KAZN: variants seen among roughly 807,000 people sequenced by gnomAD.
KAZN encodes kazrin.
KAZN carries 40 observed loss-of-function variants against 87.4 expected under a neutral mutation model. That is an observed-to-expected ratio of 0.46 (90% CI 0.36 to 0.60). The LOEUF is 0.60. Ranked by LOEUF, KAZN falls within the 20% of genes least tolerant of loss-of-function variation. The pLI, the probability that KAZN is intolerant of heterozygous loss-of-function variation, is 0.00. For synonymous variants in KAZN, 466 were observed against 458.3 expected, an observed-to-expected ratio of 1.02 and a Z score of -0.22; for missense variants, 898 against 1,073.9, an observed-to-expected ratio of 0.84 and a Z score of 2.29.
At chr1:14,585,943 G>A (rs111834272) in intron 2 of KAZN, among the ~76,000 whole-genome samples, 2,872 of 152,268 alleles carry the variant, frequency 0.019, 71 homozygotes, top group African/African-American at 0.06. Flanking sequence ...ACGCCATCTC[G>A]AGGCAGCAGC....
intron 2 of KAZN, among the ~76,000 whole-genome samples, chr1:14,411,814 C>T (rs1664328421): frequency 6.6e-6 from 1 of 152,116 alleles, no homozygotes; most frequent in South Asian, 2.1e-4. Context: ...AAATACCAGA[C>T]AGTAATAACA....
At chr1:14,790,648 C>T (rs776132859) in intron 1 of KAZN, among the ~76,000 whole-genome samples, 1 of 152,120 alleles carries the variant, frequency 6.6e-6, no homozygotes, top group East Asian at 1.9e-4. Flanking sequence ...TTGTCCAATC[C>T]AAGTCCCGCC....
intron 1 of KAZN, among the ~76,000 whole-genome samples, chr1:14,640,213 A>G (rs1159129489): frequency 1.3e-5 from 2 of 148,646 alleles, no homozygotes; most frequent in Non-Finnish European, 3.0e-5. Flanking sequence ...TAATAAAATC[A>G]TGGCCTAATG....
rs911868370 is a variant in KAZN at position 14,551,116 on chromosome 1, C to T, written c.250-47867C>T. On this transcript the variant is annotated intron_variant, in intron 2 of 16. Coordinates refer to the KAZN transcript ENST00000636203. ...GTTACATATACTACAAATACGCAAA[C>T]GTGAGGCCCCATAGATCGCAACCCC... Among the ~76,000 whole-genome samples the T allele has an allele frequency of 9.2e-5, 14 of 152,210 alleles. No individual in the cohort carries two copies. In the South Asian group the frequency reaches 1.5e-3, roughly 16 times the overall value.
At chr1:15,074,460 G>T (rs1310192719) in intron 8 of KAZN, among the ~76,000 whole-genome samples, 1 of 152,152 alleles carries the variant, frequency 6.6e-6, no homozygotes, top group Non-Finnish European at 1.5e-5. Flanking sequence ...CTCCTCATGG[G>T]TGTCCCCCGG....
chr1:14,352,782 A>G (rs1658658355), intron 2 of KAZN, among the ~76,000 whole-genome samples: 1 of 152,264 alleles, frequency 6.6e-6, no homozygotes, highest in Non-Finnish European at 1.5e-5. Flanking sequence ...TTACAAGATA[A>G]GAAAATTACA....
In KAZN at chr1:14,776,612, C is replaced by T. The variant is rs114829254; in HGVS notation, c.226+177389C>T. On this transcript the variant is annotated intron_variant, in intron 1 of 14. Transcript: ENST00000376030. ...GTCAGGCACTCTGCTAAGGACATCACGGATATCTCATTTAATCTACATGGT... is the reference window on the plus strand; with the variant it reads ...GTCAGGCACTCTGCTAAGGACATCATGGATATCTCATTTAATCTACATGGT... Among the ~76,000 whole-genome samples, 567 of 152,192 alleles carry T rather than the reference C, an allele frequency of 3.7e-3. 3 individuals are homozygous for T. Among genetic ancestry groups the T allele is most frequent in the African/African-American group, 0.013 (541 of 41,514 alleles).
intron 8 of KAZN, among the ~76,000 whole-genome samples, chr1:15,074,647 C>G (rs1191048324): frequency 6.6e-6 from 1 of 152,152 alleles, no homozygotes. Context: ...TGAGCAACGC[C>G]TCCCCAGGTC....
chr1:14,714,279 T>TGATA (rs576456037), intron 1 of KAZN, among the ~76,000 whole-genome samples: 163 of 152,338 alleles, frequency 1.1e-3, no homozygotes, highest in African/African-American at 3.8e-3. Context: ...AGGCATCTGA[T>TGATA]GATACCCTCT....
chr1:14,527,889 T>TAA (rs1419315174), intron 2 of KAZN, among the ~76,000 whole-genome samples: 1 of 152,162 alleles, frequency 6.6e-6, no homozygotes, highest in Non-Finnish European at 1.5e-5. Context: ...CAGTGGGAAT[T>TAA]AATTTCAGCA....
intron 2 of KAZN, among the ~76,000 whole-genome samples, chr1:14,416,935 T>A (rs1362977901): frequency 6.6e-6 from 1 of 151,440 alleles, no homozygotes; most frequent in African/African-American, 2.4e-5. Flanking sequence ...CCTATATATG[T>A]GTGTGAGCGT....
intron 2 of KAZN, among the ~76,000 whole-genome samples, chr1:14,332,525 A>G (rs1656923309): frequency 6.6e-6 from 1 of 152,038 alleles, no homozygotes; most frequent in South Asian, 2.1e-4. Flanking sequence ...TTTGCTACTC[A>G]CCATTCTCAT....
intron 1 of KAZN, among the ~76,000 whole-genome samples, chr1:14,600,723 G>C (rs1239508633): frequency 6.6e-6 from 1 of 151,102 alleles, no homozygotes; most frequent in African/African-American, 2.4e-5. Flanking sequence ...CTTTTTATAG[G>C]CAGAGGCTCT....
intron 1 of KAZN, among the ~76,000 whole-genome samples, chr1:14,860,193 C>T (rs556172547): frequency 2.0e-5 from 3 of 151,600 alleles, no homozygotes; most frequent in Non-Finnish European, 4.4e-5. Context: ...CTCTCTCTCT[C>T]TCTCTTTCTC....
intron 2 of KAZN, among the ~76,000 whole-genome samples, chr1:14,520,962 C>T (rs1400603894): frequency 6.6e-6 from 1 of 152,128 alleles, no homozygotes; most frequent in Admixed American, 6.5e-5. Flanking sequence ...GGAAGAAGGC[C>T]CATGAGAGGC....
In KAZN at chr1:14,856,255, T is replaced by C. The variant is rs184390727; in HGVS notation, c.227-104429T>C. Among the ~76,000 whole-genome samples, 47 of 152,294 alleles carry C rather than the reference T, an allele frequency of 3.1e-4. No individual in the cohort carries two copies. Among genetic ancestry groups the C allele is most frequent in the Non-Finnish European group, 5.3e-4 (36 of 68,038 alleles). ...AAGACCAGAAATAACTTTCCCCACG[T>C]GCATTATTAAGTGAATGTGAAGAAT... On this transcript the variant is annotated intron_variant, in intron 1 of 14. Coordinates refer to ENST00000376030, the MANE Select transcript of KAZN (RefSeq NM_201628.3). This position sits in a 1 kb window ranked among gnomAD's most constrained non-coding sequence, Gnocchi z 5.2.
At chr1:14,304,663 G>A (rs1284093956) in intron 2 of KAZN, 6 of 398,282 alleles carry the variant, frequency 1.5e-5, no homozygotes, top group African/African-American at 2.1e-5. Context: ...TTCTGAAACC[G>A]GTGAGCTTCA....
rs116339380 is a variant in KAZN, at chr1:13,924,797, C to T, written c.91+31041C>T. ...TTATTTTTCCCCAAAATGTATAAAACGAAGCTGTGTCTGACCACCTTGGGC... is the reference window on the plus strand; with the variant it reads ...TTATTTTTCCCCAAAATGTATAAAATGAAGCTGTGTCTGACCACCTTGGGC... On this transcript the variant is annotated intron_variant, in intron 1 of 16. Transcript: ENST00000636203. Among the ~76,000 whole-genome samples the T allele has an allele frequency of 7.6e-3, 1,163 of 152,272 alleles. 17 individuals carry two copies. Among genetic ancestry groups the T allele is most frequent in the African/African-American group, 0.027 (1,112 of 41,536 alleles).
At chr1:14,793,990 T>C (rs576656343) in intron 1 of KAZN, among the ~76,000 whole-genome samples, 1 of 152,268 alleles carries the variant, frequency 6.6e-6, no homozygotes, top group South Asian at 2.1e-4. Context: ...TATTTCAGGG[T>C]AATCAAAAGT....
Sources: allele counts gnomAD v4.1 joint callset (sites outside exome capture counted in the v4.1 genomes callset), GRCh38; gene constraint gnomAD v4.1.1; non-coding constraint Gnocchi (gnomAD v3.1); transcripts MANE v1.5; gene names NCBI Gene and HGNC (gene_info 2026-07-23, HGNC 2026-07-21).